Variants in PRELID2 observed in about 807,000 individuals in gnomAD.
The protein encoded by PRELID2 is PRELI domain containing 2, also known as PRELI domain-containing protein 2.
A neutral mutation model predicts 28.4 loss-of-function variants in PRELID2; 25 were observed. That is an observed-to-expected ratio of 0.88 (90% CI 0.64 to 1.23). PRELID2 has a LOEUF of 1.23. PRELID2 is among the 50% of genes most tolerant of loss of function. The pLI is 0.00. For missense variants in PRELID2, 201 were observed against 214.4 expected (o/e 0.94, Z 0.39); for synonymous variants, 76 against 71.6 (o/e 1.06, Z -0.31).
chr5:145,722,502 A>AT (rs1004391247), intron 1 of PRELID2, among the ~76,000 whole-genome samples: 3 of 106,718 alleles, frequency 2.8e-5, no homozygotes, highest in African/African-American at 2.5e-4. Context: ...TATCAAATTA[A>AT]TAATTTTTTT....
At chr5:145,296,364 C>A in the PRELID2 span, among the ~76,000 whole-genome samples, 7 of 137,228 alleles carry the variant, frequency 5.1e-5, no homozygotes, top group Admixed American at 5.6e-4. Context: ...ACAACAGTCC[C>A]CAGAGTGTGA....
chr5:145,540,505 T>C (rs1752737100), intron 1 of PRELID2, among the ~76,000 whole-genome samples: 1 of 151,852 alleles, frequency 6.6e-6, no homozygotes, highest in South Asian at 2.1e-4. Context: ...AGATGAGTCT[T>C]ACCATGGGAC....
chr5:145,392,677 G>A, the PRELID2 span, among the ~76,000 whole-genome samples: 1 of 151,840 alleles, frequency 6.6e-6, no homozygotes, highest in Non-Finnish European at 1.5e-5. Context: ...GAAAGAGAAA[G>A]AAAGAGAGAG....
intron 1 of PRELID2, among the ~76,000 whole-genome samples, chr5:145,741,357 A>T (rs1374674071): frequency 1.7e-5 from 2 of 116,728 alleles, no homozygotes; most frequent in Non-Finnish European, 3.2e-5. Context: ...ATTAATAAAT[A>T]ATTTATTTAT....
intron 1 of PRELID2, among the ~76,000 whole-genome samples, chr5:145,483,529 T>C (rs1052517690): frequency 9.2e-5 from 14 of 152,222 alleles, no homozygotes; most frequent in African/African-American, 3.4e-4. Context: ...ATGAGCCTAA[T>C]AAATTCTGCT....
chr5:145,470,303 C>T (rs1312775251), downstream of PRELID2, among the ~76,000 whole-genome samples: 1 of 152,126 alleles, frequency 6.6e-6, no homozygotes, highest in Non-Finnish European at 1.5e-5. Context: ...AAACATGTGA[C>T]AGGCTAGATT....
rs142182810 is a variant in PRELID2 at position 145,764,156 on chromosome 5, C to T, written c.*10+775G>A. 3.3e-5 allele frequency among the ~76,000 whole-genome samples: 5 copies of T among 152,292 alleles called. No individual in the cohort carries two copies. In the East Asian group the frequency reaches 7.7e-4, roughly 23 times the overall value. On this transcript the variant is annotated intron_variant, in intron 6 of 6. Transcript: ENST00000683046. The stretch of plus-strand genomic sequence containing the variant: ...CTGTAAGATGTAAACCTATCATACT[C>T]ATTTATTTTGGGCTTTGATTCTTTC...
the PRELID2 span, among the ~76,000 whole-genome samples, chr5:145,267,003 A>G: frequency 2.0e-5 from 3 of 152,106 alleles, no homozygotes; most frequent in African/African-American, 7.2e-5. Flanking sequence ...AGAATGATAC[A>G]ATGGACTTTG....
At chr5:145,595,198 AC>A in intron 1 of PRELID2, among the ~76,000 whole-genome samples, 1 of 151,670 alleles carries the variant, frequency 6.6e-6, no homozygotes, top group Admixed American at 6.6e-5. Context: ...ACACACACAC[AC>A]ACTAGTTCAA....
At chr5:145,442,163 T>A in the PRELID2 span, among the ~76,000 whole-genome samples, 2 of 152,122 alleles carry the variant, frequency 1.3e-5, no homozygotes, top group African/African-American at 4.8e-5. Flanking sequence ...TAGATATTTT[T>A]GTCCATTTTA....
chr5:145,285,762 A>G, the PRELID2 span, among the ~76,000 whole-genome samples: 1 of 152,176 alleles, frequency 6.6e-6, no homozygotes, highest in Non-Finnish European at 1.5e-5. Context: ...TCAGGTTCCA[A>G]GGTTACATCC....
chr5:145,314,042 C>T, the PRELID2 span, among the ~76,000 whole-genome samples: 5 of 152,130 alleles, frequency 3.3e-5, no homozygotes, highest in Non-Finnish European at 5.9e-5. Flanking sequence ...TATGAGACAT[C>T]GTACAGTTTC....
At chr5:145,755,714 A>G (rs1179679360), downstream of PRELID2, among the ~76,000 whole-genome samples, 1 of 148,712 alleles carries the variant, frequency 6.7e-6, no homozygotes, top group Non-Finnish European at 1.5e-5. Context: ...GCTCCCTCAT[A>G]TAATGATACA....
At chr5:145,543,869 T>G (rs1351718247) in intron 1 of PRELID2, among the ~76,000 whole-genome samples, 3 of 152,086 alleles carry the variant, frequency 2.0e-5, no homozygotes, top group Non-Finnish European at 4.4e-5. Context: ...AGCTTGTCAT[T>G]GGGTTTTTTT....
chr5:145,821,494 TAAGAAA>T (rs1754826066), intron 2 of PRELID2, among the ~76,000 whole-genome samples: 1 of 152,154 alleles, frequency 6.6e-6, no homozygotes, highest in African/African-American at 2.4e-5. Flanking sequence ...CAATGTTAGT[TAAGAAA>T]AAGAAAGGCA....
At chr5:145,777,103 T>C (rs1236898281) in intron 5 of PRELID2, among the ~76,000 whole-genome samples, 2 of 152,252 alleles carry the variant, frequency 1.3e-5, no homozygotes, top group Non-Finnish European at 2.9e-5. Context: ...TCACGTCTTA[T>C]ATGGAATTTG....
intron 1 of PRELID2, among the ~76,000 whole-genome samples, chr5:145,479,437 A>T (rs1237161581): frequency 2.6e-5 from 4 of 152,092 alleles, no homozygotes; most frequent in Admixed American, 6.5e-5. Context: ...AGAGCCCAGC[A>T]TACATCACTC....
chr5:145,731,933 A>C (rs577027710), intron 1 of PRELID2, among the ~76,000 whole-genome samples: 4 of 152,312 alleles, frequency 2.6e-5, no homozygotes, highest in African/African-American at 9.6e-5. Flanking sequence ...TTCAATGAGG[A>C]AAGTAAAAAG....
At chr5:145,426,604 C>G in the PRELID2 span, among the ~76,000 whole-genome samples, 1 of 152,082 alleles carries the variant, frequency 6.6e-6, no homozygotes, top group Non-Finnish European at 1.5e-5. Context: ...CAGGCAGACT[C>G]CTAAGCTATT....
Sources: allele counts gnomAD v4.1 joint callset (sites outside exome capture counted in the v4.1 genomes callset), GRCh38; gene constraint gnomAD v4.1.1; transcripts MANE v1.5; gene names NCBI Gene and HGNC (gene_info 2026-07-23, HGNC 2026-07-21).